SSBP2: variants seen among roughly 807,000 people sequenced by gnomAD.
SSBP2 encodes single stranded DNA binding protein 2, also known as single-stranded DNA-binding protein 2.
A neutral mutation model predicts 61.8 loss-of-function variants in SSBP2; 17 were observed. That is an observed-to-expected ratio of 0.28 (90% CI 0.19 to 0.41). The LOEUF (loss-of-function observed/expected upper bound fraction) is 0.41, where lower values mean the gene tolerates loss of function less well. SSBP2 is among the 10% of genes least tolerant of loss of function. The probability of loss-of-function intolerance (pLI) is 1.00; values close to 1 mark genes in which losing one functional copy is unlikely to be tolerated. For missense variants in SSBP2, 310 were observed against 458.7 expected, an observed-to-expected ratio of 0.68 and a Z score of 2.96; for synonymous variants, 139 against 141.3, an observed-to-expected ratio of 0.98 and a Z score of 0.12.
chr5:81,686,868 AAAAAGAAAAGAAAAGAAAAG>A lies in SSBP2; in HGVS notation c.63-36549_63-36530del, dbSNP rs1172109276. ...AGACTTCATCTCAAAAAAAAAAAAA[AAAAAGAAAAGAAAAGAAAAG>A]AAAAGAAAAGAAAAGAAAAGAAAAG... On this transcript the variant is annotated intron_variant, in intron 1 of 16. Transcript: ENST00000320672. Among the ~76,000 whole-genome samples the A allele has an allele frequency of 2.9e-3, 172 of 59,464 alleles. 6 individuals carry two copies. In the South Asian group the frequency reaches 0.047, roughly 16 times the overall value. The allele number at this position is 59,464 out of a possible 152,430, so 39.0% of individuals were successfully genotyped here.
chr5:81,750,236 C>G lies in SSBP2; in HGVS notation c.62+745G>C, dbSNP rs1228394802. ...ACTTCGGCGGCGTCTCCGGCGCCCA[C>G]CCGCCCCCGCCCCCGCCCCAGCCCC... On this transcript the variant is annotated intron_variant, in intron 1 of 16. Coordinates refer to ENST00000320672, the MANE Select transcript of SSBP2 (RefSeq NM_012446.5). Among the ~76,000 whole-genome samples the G allele has an allele frequency of 2.2e-5, 3 of 139,350 alleles. No homozygotes were observed. The East Asian group carries it at 6.4e-4, about 30-fold the overall frequency. The allele number at this position is 139,350 out of a possible 152,430, so 91.4% of individuals were successfully genotyped here. A position where few individuals can be genotyped will look rare whatever the true frequency, so the allele number is the denominator to read the frequency against.
intron 1 of SSBP2, among the ~76,000 whole-genome samples, chr5:81,678,990 A>T: frequency 6.6e-6 from 1 of 152,156 alleles, no homozygotes; most frequent in East Asian, 1.9e-4. Context: ...ATGAATAAGT[A>T]AAGGTAAAAT....
chr5:81,724,758 A>G (rs1286832483), intron 1 of SSBP2, among the ~76,000 whole-genome samples: 2 of 152,114 alleles, frequency 1.3e-5, no homozygotes, highest in African/African-American at 4.8e-5. Context: ...AACACAAACC[A>G]CAATGTGTTG....
intron 4 of SSBP2, among the ~76,000 whole-genome samples, chr5:81,614,356 T>C (rs1305690378): frequency 0.025 from 778 of 31,010 alleles, 5 homozygotes; most frequent in African/African-American, 0.082. Flanking sequence ...CGAGACTCCG[T>C]CTCAAAAAAA....
chr5:81,479,640 A>C (rs1410033406), intron 6 of SSBP2, among the ~76,000 whole-genome samples: 1 of 152,126 alleles, frequency 6.6e-6, no homozygotes, highest in African/African-American at 2.4e-5. Flanking sequence ...AAATAACACT[A>C]ATGAGGAGGG....
intron 4 of SSBP2, among the ~76,000 whole-genome samples, chr5:81,542,442 A>C (rs1204384870): frequency 1.3e-5 from 2 of 152,144 alleles, no homozygotes; most frequent in East Asian, 3.9e-4. Flanking sequence ...ATTCTATCAA[A>C]AAGACACATA....
intron 4 of SSBP2, among the ~76,000 whole-genome samples, chr5:81,569,790 A>G (rs1159799658): frequency 6.6e-6 from 1 of 152,222 alleles, no homozygotes; most frequent in African/African-American, 2.4e-5. Flanking sequence ...CTGTTGGTGA[A>G]TAGTCCTAGT....
chr5:81,469,366 T>C (rs564883608), intron 8 of SSBP2, among the ~76,000 whole-genome samples: 286 of 152,102 alleles, frequency 1.9e-3, no homozygotes, highest in Non-Finnish European at 3.2e-3. Flanking sequence ...TCAAAAACTG[T>C]AACTGCTAAC....
At chr5:81,576,631 A>G (rs1774239027) in intron 4 of SSBP2, among the ~76,000 whole-genome samples, 1 of 152,118 alleles carries the variant, frequency 6.6e-6, no homozygotes. Flanking sequence ...TGACCTTCAC[A>G]TTTCTAAATC....
At chr5:81,528,298 C>A (rs1016078836) in intron 4 of SSBP2, among the ~76,000 whole-genome samples, 1 of 151,902 alleles carries the variant, frequency 6.6e-6, no homozygotes, top group African/African-American at 2.4e-5. Flanking sequence ...GTAGCTTGTG[C>A]TATTTTATGT....
rs574512093 is a variant in SSBP2 at position 81,629,164 on chromosome 5, C to A, written c.197+7393G>T. 2.6e-5 allele frequency among the ~76,000 whole-genome samples: 4 copies of A among 152,164 alleles called. No individual in the cohort carries two copies. The South Asian group carries it at 6.2e-4, about 24-fold the overall frequency. On this transcript the variant is annotated intron_variant, in intron 3 of 16. Coordinates refer to ENST00000320672, the MANE Select transcript of SSBP2 (RefSeq NM_012446.5). ...ACCACATCCAGCAAATTGTTGCATT[C>A]TTAGTAGATGGGGTTTCACCATGTT...
chr5:81,440,354 G>T (rs1014458791), intron 14 of SSBP2, among the ~76,000 whole-genome samples: 1 of 152,118 alleles, frequency 6.6e-6, no homozygotes, highest in Non-Finnish European at 1.5e-5. Context: ...ATATGAACTA[G>T]AACAATTCTC....
At chr5:81,648,768 A>G (rs1311735834) in intron 2 of SSBP2, among the ~76,000 whole-genome samples, 1 of 152,144 alleles carries the variant, frequency 6.6e-6, no homozygotes, top group East Asian at 1.9e-4. Flanking sequence ...TGATACAGGC[A>G]TATAATGTGT....
At position 81,495,484 on chromosome 5, in the gene SSBP2, T is replaced by A. The variant is rs540193443; in HGVS notation, c.373-6175A>T. Among the ~76,000 whole-genome samples, 37 of 152,312 alleles carry A rather than the reference T, an allele frequency of 2.4e-4. No individual in the cohort carries two copies. The East Asian group carries it at 6.2e-3, about 25-fold the overall frequency. ...GTAAATTAATTCCCCAAGGGCCAGT[T>A]TTGAAACACTGCTTTCTCTTTAAAG... is the stretch of plus-strand genomic sequence containing the variant. On this transcript the variant is annotated intron_variant, in intron 5 of 16. Coordinates refer to ENST00000320672, the MANE Select transcript of SSBP2 (RefSeq NM_012446.5).
At chr5:81,587,074 C>T (rs969736206) in intron 4 of SSBP2, among the ~76,000 whole-genome samples, 15 of 152,148 alleles carry the variant, frequency 9.9e-5, no homozygotes, top group African/African-American at 3.4e-4. Flanking sequence ...CTTTTCCTCT[C>T]GTTTTCCCCT....
chr5:81,506,916 T>C (rs1489600215), intron 5 of SSBP2, among the ~76,000 whole-genome samples: 4 of 152,152 alleles, frequency 2.6e-5, no homozygotes, highest in African/African-American at 9.7e-5. Flanking sequence ...TTTTAAAATA[T>C]CAAAAATATT....
intron 5 of SSBP2, among the ~76,000 whole-genome samples, chr5:81,492,590 T>C (rs1340768026): frequency 2.0e-5 from 3 of 151,978 alleles, no homozygotes; most frequent in African/African-American, 7.2e-5. Flanking sequence ...CAACATTCTT[T>C]TTTTTTTTTA....
At chr5:81,673,226 T>C (rs10074423) in intron 1 of SSBP2, among the ~76,000 whole-genome samples, 8,018 of 152,284 alleles carry the variant, frequency 0.053, 418 homozygotes, top group African/African-American at 0.13. Context: ...CTAAGACGTC[T>C]TGACTTCCCT....
In SSBP2 at chr5:81,702,127, C is replaced by G. The variant is rs578085871; in HGVS notation, c.62+48854G>C. ...GCAGCTCACGCCTGTAATCCCAGCA[C>G]TTTGGGAGGCCGAGGCGGGTAGATC... is the stretch of plus-strand genomic sequence containing the variant. On this transcript the variant is annotated intron_variant, in intron 1 of 16. Coordinates refer to ENST00000320672, the MANE Select transcript of SSBP2 (RefSeq NM_012446.5). Among the ~76,000 whole-genome samples, 159 of 152,258 alleles carry G rather than the reference C, an allele frequency of 1.0e-3. 1 individual carries two copies. Among genetic ancestry groups the G allele is most frequent in the African/African-American group, 3.6e-3 (151 of 41,532 alleles).
Sources: allele counts gnomAD v4.1 joint callset (sites outside exome capture counted in the v4.1 genomes callset), GRCh38; gene constraint gnomAD v4.1.1; transcripts MANE v1.5; gene names NCBI Gene and HGNC (gene_info 2026-07-23, HGNC 2026-07-21).